NCKAP1: variants seen among roughly 807,000 people sequenced by gnomAD.
The protein encoded by NCKAP1 is NCK associated protein 1.
Under a neutral mutation model 151.2 loss-of-function variants are expected in NCKAP1, and 21 were observed. That is an observed-to-expected ratio of 0.14 (90% CI 0.10 to 0.20). The LOEUF is 0.20. Among genes scored for constraint, NCKAP1 ranks in the 10% least tolerant of loss-of-function variants. NCKAP1 has a pLI of 1.00. For synonymous variants in NCKAP1, 484 were observed against 451.8 expected (o/e 1.07, Z -0.90); for missense variants, 933 against 1,352.1 (o/e 0.69, Z 4.86).
At chr2:182,992,540 C>T (rs1698189649) in intron 8 of NCKAP1, among the ~76,000 whole-genome samples, 1 of 152,158 alleles carries the variant, frequency 6.6e-6, no homozygotes, top group Non-Finnish European at 1.5e-5. Context: ...TCCATAAGCA[C>T]AAAACAACTA....
chr2:183,006,657 C>T (rs1698477477), intron 2 of NCKAP1, among the ~76,000 whole-genome samples: 1 of 152,106 alleles, frequency 6.6e-6, no homozygotes, highest in Admixed American at 6.5e-5. Context: ...ACAAAAAATG[C>T]TACATTTTAG....
intron 18 of NCKAP1, among the ~76,000 whole-genome samples, chr2:182,958,814 A>G (rs1362879249): frequency 6.6e-6 from 1 of 152,248 alleles, no homozygotes. Context: ...CATTTTAGGT[A>G]GAAGGAGAGC....
intron 24 of NCKAP1, 84 bp downstream of exon 24, chr2:182,941,986 T>C: frequency 9.2e-7 from 1 of 1,085,036 alleles, no homozygotes; most frequent in Non-Finnish European, 1.4e-6. Context: ...ACTACTTGTA[T>C]TTATGTTACA....
intron 9 of NCKAP1, 102 bp from the exon 10 acceptor site, chr2:182,986,329 T>G: frequency 1.0e-6 from 1 of 993,880 alleles, no homozygotes; most frequent in South Asian, 1.5e-5. Flanking sequence ...CATTATCAAT[T>G]CAGAAACTGG....
chr2:182,962,725 GA>G (rs200058203), intron 17 of NCKAP1, among the ~76,000 whole-genome samples: 2,203 of 151,244 alleles, frequency 0.015, 56 homozygotes, highest in African/African-American at 0.051. Flanking sequence ...CAGGAAAGAA[GA>G]GCTCAAATGT....
chr2:182,998,557 C>T (rs1328849699), intron 6 of NCKAP1, among the ~76,000 whole-genome samples: 8 of 151,944 alleles, frequency 5.3e-5, no homozygotes, highest in Admixed American at 1.3e-4. Flanking sequence ...TGGCCGGGCA[C>T]GGTGGCTCAT....
rs888021336 is a variant in NCKAP1, at chr2:182,915,105, A to T, written c.*10597T>A. ...GCAGTGAAACTCATGCTGAGGACTC[A>T]TCTTCTGTACACACTTTTAAGAACT... On this transcript the variant is annotated 3_prime_UTR_variant, in exon 31 of 31. Coordinates refer to ENST00000361354, the MANE Select transcript of NCKAP1 (RefSeq NM_013436.5). 6.6e-6 allele frequency: 1 copy of T among 152,218 alleles called. No homozygotes were observed. The highest frequency in any genetic ancestry group is 1.5e-5 in the Non-Finnish European group (1 of 68,046). The allele number at this position is 152,218 out of a possible 1,614,324, so 9.4% of individuals were successfully genotyped here. A position where few individuals can be genotyped will look rare whatever the true frequency, so the allele number is the denominator to read the frequency against.
chr2:183,025,195 T>C (rs957532650), intron 1 of NCKAP1, among the ~76,000 whole-genome samples: 2 of 152,164 alleles, frequency 1.3e-5, no homozygotes, highest in African/African-American at 2.4e-5. Context: ...GTTTATACTG[T>C]TCATATAAAC....
At position 182,934,391 on chromosome 2, in the gene NCKAP1, C is replaced by G. The variant is rs1216653113; in HGVS notation, c.2859+361G>C. ...CTTGATCTCCTGACCTCGTGATCTGCCAGCCTCGGCCTCCCAAAGTGCTGG... is the reference window on the plus strand; with the variant it reads ...CTTGATCTCCTGACCTCGTGATCTGGCAGCCTCGGCCTCCCAAAGTGCTGG... On this transcript the variant is annotated intron_variant, in intron 26 of 30. Transcript: ENST00000361354. 3.9e-5 allele frequency: 6 copies of G among 153,548 alleles called. No homozygotes were observed. The Admixed American group carries it at 3.9e-4, about 10-fold the overall frequency. 9.5% of individuals were successfully genotyped at this position (153,548 alleles called of 1,614,324 possible).
At chr2:182,926,956 G>C in intron 29 of NCKAP1, 51 bp from the exon 30 acceptor site, 1 of 1,262,722 alleles carries the variant, frequency 7.9e-7, no homozygotes, top group Non-Finnish European at 1.1e-6. Flanking sequence ...AAGGTTCATC[G>C]GTTACTTATT....
chr2:182,971,119 G>A (rs1461565221), intron 15 of NCKAP1, among the ~76,000 whole-genome samples: 1 of 152,124 alleles, frequency 6.6e-6, no homozygotes, highest in Non-Finnish European at 1.5e-5. Context: ...TATCGGCCGG[G>A]CGCGGTGGCT....
At chr2:183,024,216 G>A (rs1698846757) in intron 1 of NCKAP1, among the ~76,000 whole-genome samples, 1 of 152,088 alleles carries the variant, frequency 6.6e-6, no homozygotes, top group Non-Finnish European at 1.5e-5. Flanking sequence ...GTTTGAGGTA[G>A]GATTGTATTC....
At chr2:183,007,087 G>A (rs1467783368) in intron 2 of NCKAP1, among the ~76,000 whole-genome samples, 2 of 152,036 alleles carry the variant, frequency 1.3e-5, no homozygotes, top group African/African-American at 4.8e-5. Context: ...CGGTCAGGCT[G>A]GTCTCAAATT....
At chr2:182,961,128 T>C (rs1158502745) in intron 18 of NCKAP1, among the ~76,000 whole-genome samples, 2 of 152,176 alleles carry the variant, frequency 1.3e-5, no homozygotes, top group East Asian at 1.9e-4. Context: ...TTTTACACTG[T>C]TGGTGGGACT....
intron 2 of NCKAP1, among the ~76,000 whole-genome samples, chr2:183,009,434 G>GGAAA (rs1698545254): frequency 9.3e-6 from 1 of 107,866 alleles, no homozygotes; most frequent in African/African-American, 3.8e-5. Flanking sequence ...AAGGAAGGAA[G>GGAAA]GAAGGAAGGA....
In NCKAP1 at chr2:182,983,396, C is replaced by T. The variant is rs1484241396; in HGVS notation, c.1005-14G>A. The stretch of plus-strand genomic sequence containing the variant: ...TGCATTGAACCACTATGGGGAAAGA[C>T]ACCATAATAGTTTATCTGCTTCTAC... On this transcript the variant is annotated splice_polypyrimidine_tract_variant and intron_variant, in intron 10 of 30. Transcript: ENST00000361354. 2.6e-6 allele frequency: 4 copies of T among 1,554,446 alleles called. No homozygotes were observed. The African/African-American group carries it at 5.5e-5, about 21-fold the overall frequency.
At position 182,915,586 on chromosome 2, in the gene NCKAP1, GAGACT is replaced by G. The variant is rs1175207641; in HGVS notation, c.*10111_*10115del. 1 of 152,188 alleles carries G rather than the reference GAGACT, an allele frequency of 6.6e-6. No homozygotes were observed. Among genetic ancestry groups the G allele is most frequent in the Admixed American group, 6.5e-5 (1 of 15,282 alleles). The allele number at this position is 152,188 out of a possible 1,614,324, so 9.4% of individuals were successfully genotyped here. On this transcript the variant is annotated 3_prime_UTR_variant, in exon 31 of 31. Transcript: ENST00000361354. ...GCGAAAGAACTGCCAGTGCAATCTTGAGACTAGATGAGGAGTTACACTGACAGGAT... is the reference window on the plus strand; with the variant it reads ...GCGAAAGAACTGCCAGTGCAATCTTGAGATGAGGAGTTACACTGACAGGAT...
chr2:182,998,174 C>A (rs745539257), intron 6 of NCKAP1, among the ~76,000 whole-genome samples: 10 of 152,068 alleles, frequency 6.6e-5, no homozygotes, highest in Non-Finnish European at 1.2e-4. Context: ...AAGGAACACA[C>A]CTCAAAATAA....
chr2:183,005,811 T>TC (rs1698460446), intron 2 of NCKAP1, among the ~76,000 whole-genome samples: 1 of 152,192 alleles, frequency 6.6e-6, no homozygotes, highest in African/African-American at 2.4e-5. Context: ...CCTCCTGCTT[T>TC]CTTACTGTTC....
Sources: gnomAD v4.1 joint callset for allele counts (sites outside exome capture counted in the v4.1 genomes callset) on GRCh38, gnomAD v4.1.1 for gene constraint, MANE v1.5 for transcripts, NCBI Gene and HGNC (gene_info 2026-07-23, HGNC 2026-07-21) for gene names.